The following SPOCK1 variants were observed in gnomAD, a reference collection of about 807,000 sequenced individuals.
SPOCK1 encodes testican-1.
A neutral mutation model predicts 55.3 loss-of-function variants in SPOCK1; 23 were observed. That is an observed-to-expected ratio of 0.42 (90% CI 0.30 to 0.59). SPOCK1 has a LOEUF of 0.59. Ranked by LOEUF, SPOCK1 falls within the 20% of genes least tolerant of loss-of-function variation. The pLI is 0.22. For synonymous variants in SPOCK1, 226 were observed against 221.0 expected (o/e 1.02, Z -0.20); for missense variants, 499 against 552.5 (o/e 0.90, Z 0.97).
intron 3 of SPOCK1, among the ~76,000 whole-genome samples, chr5:137,215,175 T>C (rs1169182446): frequency 6.6e-6 from 1 of 152,228 alleles, no homozygotes; most frequent in Admixed American, 6.5e-5. Context: ...GGTTTTCACA[T>C]CTAAGACATA....
intron 2 of SPOCK1, among the ~76,000 whole-genome samples, chr5:137,316,202 G>A (rs1757878633): frequency 6.6e-6 from 1 of 152,222 alleles, no homozygotes; most frequent in African/African-American, 2.4e-5. Context: ...AAATGCTACT[G>A]TGTGAAGCCT....
At chr5:137,131,545 T>C (rs1355691665) in intron 4 of SPOCK1, among the ~76,000 whole-genome samples, 2 of 151,558 alleles carry the variant, frequency 1.3e-5, no homozygotes, top group Middle Eastern at 3.4e-3. Flanking sequence ...GAGGTGGAAG[T>C]TGCAGTGAGC....
intron 2 of SPOCK1, among the ~76,000 whole-genome samples, chr5:137,275,895 C>T (rs952701259): frequency 2.6e-5 from 4 of 152,208 alleles, no homozygotes; most frequent in East Asian, 3.9e-4. Context: ...TTTCACAACT[C>T]CCCTCTCCTC....
At chr5:137,130,051 C>G (rs909287068) in intron 4 of SPOCK1, among the ~76,000 whole-genome samples, 1 of 152,110 alleles carries the variant, frequency 6.6e-6, no homozygotes, top group Non-Finnish European at 1.5e-5. Context: ...TTGGTTTGAC[C>G]TGGGTCCAGG....
At chr5:137,046,560 G>C (rs1431294799) in intron 6 of SPOCK1, among the ~76,000 whole-genome samples, 3 of 134,812 alleles carry the variant, frequency 2.2e-5, no homozygotes, top group Non-Finnish European at 3.2e-5. Flanking sequence ...GGGTTTTCTA[G>C]ATAAACAATC....
At chr5:137,292,019 C>G (rs1757380197) in intron 2 of SPOCK1, among the ~76,000 whole-genome samples, 1 of 152,166 alleles carries the variant, frequency 6.6e-6, no homozygotes, top group African/African-American at 2.4e-5. Context: ...AAAAGCATCT[C>G]TGAGAATAAA....
chr5:137,030,027 G>A (rs192974169), intron 6 of SPOCK1, among the ~76,000 whole-genome samples: 1 of 152,280 alleles, frequency 6.6e-6, no homozygotes, highest in East Asian at 1.9e-4. Context: ...ACTTTCTGTG[G>A]GTCAAAAATG....
intron 3 of SPOCK1, among the ~76,000 whole-genome samples, chr5:137,227,173 C>A (rs1007384623): frequency 6.6e-6 from 1 of 152,192 alleles, no homozygotes; most frequent in African/African-American, 2.4e-5. Context: ...CTTTTGTGAA[C>A]TACAGTACTT....
At chr5:137,117,391 G>C (rs548297286) in intron 4 of SPOCK1, among the ~76,000 whole-genome samples, 1 of 152,314 alleles carries the variant, frequency 6.6e-6, no homozygotes, top group African/African-American at 2.4e-5. Context: ...GTTTATTCAA[G>C]CATTATAACC....
At chr5:137,165,383 T>C (rs1388915233) in intron 3 of SPOCK1, among the ~76,000 whole-genome samples, 1 of 152,164 alleles carries the variant, frequency 6.6e-6, no homozygotes, top group Non-Finnish European at 1.5e-5. Flanking sequence ...CCCTAAAGGA[T>C]ATACAGTTTA....
chr5:137,258,997 A>G (rs1756693217), intron 3 of SPOCK1, among the ~76,000 whole-genome samples: 6 of 152,122 alleles, frequency 3.9e-5, no homozygotes, highest in Non-Finnish European at 2.9e-5. Flanking sequence ...AATGGAACCT[A>G]CACAGTTCCT....
chr5:137,398,103 C>T lies in SPOCK1; in HGVS notation c.186+100270G>A, dbSNP rs1425627291. ...GCCACACCATACAGGAGGCTGCCAA[C>T]ACCACCGACACCTGAGCCCATTCCA... On this transcript the variant is annotated intron_variant, in intron 2 of 10. Transcript: ENST00000394945. 2.0e-5 allele frequency among the ~76,000 whole-genome samples: 3 copies of T among 152,198 alleles called. No individual in the cohort carries two copies. In the East Asian group the frequency reaches 5.8e-4, roughly 29 times the overall value.
chr5:137,381,686 G>C lies in SPOCK1; in HGVS notation c.187-114631C>G, dbSNP rs189918469. Among the ~76,000 whole-genome samples, 3 of 152,292 alleles carry C rather than the reference G, an allele frequency of 2.0e-5. 1 individual carries two copies. The highest frequency in any genetic ancestry group is 1.3e-4 in the Admixed American group (2 of 15,300). On this transcript the variant is annotated intron_variant, in intron 2 of 10. Transcript: ENST00000394945. ...AGCTGGAGTGGCTGGGATGTAGGGC[G>C]CCATGTCCCAAGGCTGCACAGAACA...
intron 3 of SPOCK1, among the ~76,000 whole-genome samples, chr5:137,265,622 T>C (rs1472262665): frequency 1.3e-5 from 2 of 152,204 alleles, no homozygotes; most frequent in African/African-American, 4.8e-5. Context: ...GAGTGAATCA[T>C]TGTGATGATT....
intron 4 of SPOCK1, among the ~76,000 whole-genome samples, chr5:137,125,251 G>A (rs1753765569): frequency 6.6e-6 from 1 of 152,090 alleles, no homozygotes; most frequent in Admixed American, 6.6e-5. Flanking sequence ...CCTGAGCTAG[G>A]CACAAGGGAT....
intron 3 of SPOCK1, among the ~76,000 whole-genome samples, chr5:137,177,524 G>A (rs750283451): frequency 1.9e-4 from 29 of 152,218 alleles, no homozygotes; most frequent in African/African-American, 3.6e-4. Flanking sequence ...TCATGCAGTC[G>A]TGGCAAAGAG....
At chr5:137,044,803 C>A (rs1304597677) in intron 6 of SPOCK1, among the ~76,000 whole-genome samples, 370 of 134,222 alleles carry the variant, frequency 2.8e-3, no homozygotes, top group Non-Finnish European at 4.9e-3. Context: ...CTCCCCCGAC[C>A]CCACCACAGT....
At chr5:137,213,313 T>C (rs1162571593) in intron 3 of SPOCK1, among the ~76,000 whole-genome samples, 1 of 152,164 alleles carries the variant, frequency 6.6e-6, no homozygotes, top group African/African-American at 2.4e-5. Flanking sequence ...ACATAACAAG[T>C]AAGTGCAGAA....
At chr5:137,312,028 TCAGGTACC>T (rs1757796660) in intron 2 of SPOCK1, among the ~76,000 whole-genome samples, 1 of 152,206 alleles carries the variant, frequency 6.6e-6, no homozygotes, top group African/African-American at 2.4e-5. Context: ...ACTAGAAAAA[TCAGGTACC>T]CAGGTATTTG....
Sources: gnomAD v4.1 joint callset for allele counts (sites outside exome capture counted in the v4.1 genomes callset) on GRCh38, gnomAD v4.1.1 for gene constraint, MANE v1.5 for transcripts, NCBI Gene and HGNC (gene_info 2026-07-23, HGNC 2026-07-21) for gene names.